Variants in DOCK8 observed in about 807,000 individuals in gnomAD.
DOCK8 encodes dedicator of cytokinesis protein 8.
A neutral mutation model predicts 245.6 loss-of-function variants in DOCK8; 141 were observed. The ratio of observed to expected loss-of-function variants is 0.57; its 90% CI spans 0.50 to 0.66. DOCK8 has a LOEUF of 0.66. Ranked by LOEUF, DOCK8 falls within the 30% of genes least tolerant of loss-of-function variation. The probability of loss-of-function intolerance (pLI) is 0.00; values close to 1 mark genes in which losing one functional copy is unlikely to be tolerated. For missense variants in DOCK8, 2,965 were observed against 2,603.4 expected (o/e 1.14, Z -3.02); for synonymous variants, 1,168 against 970.2 (o/e 1.20, Z -3.79).
chr9:310,283 C>T (rs1045781633), intron 5 of DOCK8, among the ~76,000 whole-genome samples: 70 of 151,568 alleles, frequency 4.6e-4, no homozygotes, highest in Non-Finnish European at 8.2e-4. Context: ...AAAAAAAATC[C>T]AATCTTTCCT....
chr9:262,597 T>C (rs577226258), intron 1 of DOCK8, among the ~76,000 whole-genome samples: 1 of 151,642 alleles, frequency 6.6e-6, no homozygotes, highest in Admixed American at 6.6e-5. Context: ...TATTGTATGA[T>C]TCTATTTATG....
intron 23 of DOCK8, among the ~76,000 whole-genome samples, chr9:389,444 A>G (rs1225061868): frequency 6.6e-6 from 1 of 152,236 alleles, no homozygotes; most frequent in South Asian, 2.1e-4. Flanking sequence ...TGATACTACT[A>G]TGCCTTTCAG....
intron 1 of DOCK8, among the ~76,000 whole-genome samples, chr9:262,923 T>C (rs951017761): frequency 1.1e-4 from 16 of 152,060 alleles, no homozygotes; most frequent in African/African-American, 1.4e-4. Flanking sequence ...ATAACTGATA[T>C]AGGCAGGGCA....
Position 418,096 on chromosome 9 carries a change from T to A in DOCK8, c.3729T>A (p.Ser1243Arg). 2 of 1,614,230 alleles carry A rather than the reference T, an allele frequency of 1.2e-6. No individual in the cohort carries two copies. Among genetic ancestry groups the A allele is most frequent in the Non-Finnish European group, 1.7e-6 (2 of 1,180,028 alleles). ...TVADTRRYRT[S>R]GSDEEQEGAG... ...CAGATACTCGCAGATACCGCACCAG[T>A]GGCTCGGATGAAGAACAAGAAGGAG... Residue 1243 changes from serine to arginine, a missense_variant, in exon 30 of 48, where the codon AGT becomes AGA. This residue lies in a region of DOCK8 where 2,825 missense variants were observed against 2,453.5 expected (regional missense o/e 1.15). Transcript: ENST00000432829.
Position 442,143 on chromosome 9 carries a change from A to G in DOCK8, c.5490+134A>G, listed in dbSNP as rs978665078. 1.8e-5 allele frequency: 23 copies of G among 1,314,010 alleles called. No individual in the cohort carries two copies. In the Admixed American group the frequency reaches 3.8e-4, roughly 22 times the overall value. The allele number at this position is 1,314,010 out of a possible 1,614,324, so 81.4% of individuals were successfully genotyped here. ...CTCTACATAAAGTTTTCCCCTTTGCATTTATAAAAGGCAAAGTAGAAAGGT... is the reference window on the plus strand; with the variant it reads ...CTCTACATAAAGTTTTCCCCTTTGCGTTTATAAAAGGCAAAGTAGAAAGGT... On this transcript the variant is annotated intron_variant, in intron 42 of 47. Coordinates refer to ENST00000432829, the MANE Select transcript of DOCK8 (RefSeq NM_203447.4).
At chr9:394,777 C>T (rs751140427) in intron 24 of DOCK8, among the ~76,000 whole-genome samples, 4 of 152,194 alleles carry the variant, frequency 2.6e-5, no homozygotes, top group Admixed American at 6.5e-5. Flanking sequence ...GATTTCTGTG[C>T]CTCGCCCCAC....
At position 356,413 on chromosome 9, in the gene DOCK8, C is replaced by T. The variant is rs150012913; in HGVS notation, c.1680-11605C>T. 5.4e-3 allele frequency among the ~76,000 whole-genome samples: 821 copies of T among 152,024 alleles called. 13 individuals are homozygous for T. Among genetic ancestry groups the T allele is most frequent in the African/African-American group, 0.018 (765 of 41,454 alleles). On this transcript the variant is annotated intron_variant, in intron 14 of 47. Transcript: ENST00000432829. ...GGCGTGGTAGCAGGCGCCTGTAATC[C>T]CAGCTACTCCGGAGGCTGAGGCAGG...
intron 11 of DOCK8, among the ~76,000 whole-genome samples, chr9:335,697 T>TC (rs1204935599): frequency 5.9e-5 from 9 of 152,116 alleles, no homozygotes; most frequent in Non-Finnish European, 1.2e-4. Flanking sequence ...TGCTGAGGCC[T>TC]CAATCATCTC....
At chr9:401,547 C>G (rs909720545) in intron 26 of DOCK8, among the ~76,000 whole-genome samples, 2 of 152,076 alleles carry the variant, frequency 1.3e-5, no homozygotes, top group Non-Finnish European at 2.9e-5. Context: ...AGCTGTCCAT[C>G]GAGATTTTAT....
chr9:249,015 G>T (rs2047581909), intron 1 of DOCK8, among the ~76,000 whole-genome samples: 1 of 152,138 alleles, frequency 6.6e-6, no homozygotes. Context: ...GTAGTGGGAG[G>T]TCCCACTCTT....
chr9:381,560 A>AGT (rs1284517727), intron 21 of DOCK8, among the ~76,000 whole-genome samples: 6 of 152,230 alleles, frequency 3.9e-5, no homozygotes, highest in Non-Finnish European at 8.8e-5. Context: ...AATTAGTGTC[A>AGT]GTGAGTTCAC....
chr9:354,713 G>T (rs1887529), intron 14 of DOCK8, among the ~76,000 whole-genome samples: 1 of 152,046 alleles, frequency 6.6e-6, no homozygotes, highest in African/African-American at 2.4e-5. Flanking sequence ...GGCTGAGGGC[G>T]TCGGTTCCTC....
chr9:238,979 C>T (rs545161221), intron 1 of DOCK8, among the ~76,000 whole-genome samples: 57 of 152,106 alleles, frequency 3.7e-4, no homozygotes, highest in African/African-American at 1.2e-3. Context: ...TTAGACACAC[C>T]GATTCACCTA....
chr9:235,910 C>T (rs565375203), intron 1 of DOCK8, among the ~76,000 whole-genome samples: 2 of 152,232 alleles, frequency 1.3e-5, no homozygotes, highest in Non-Finnish European at 2.9e-5. Context: ...ACCCACTGTC[C>T]TGTACCTACT....
At position 377,129 on chromosome 9, in the gene DOCK8, G is replaced by A. The variant is rs952082794; in HGVS notation, c.2358G>A (p.Glu786=). ...SIICLNSSRL[E]PLVLFLHLVL... is the part of the protein sequence containing the mutation. ...TCTGCCTGAACTCCTCCCGCCTGGA[G>A]CCGCTCGTGCTCTTCCTGCACCTGG... Residue 786 remains glutamate, a synonymous_variant, in exon 20 of 48, where the codon GAG becomes GAA. Transcript: ENST00000432829. 6.2e-7 allele frequency: 1 copy of A among 1,609,310 alleles called. No individual in the cohort carries two copies. The highest frequency in any genetic ancestry group is 8.5e-7 in the Non-Finnish European group (1 of 1,179,910).
At chr9:354,382 T>A (rs955374350) in intron 14 of DOCK8, among the ~76,000 whole-genome samples, 1 of 152,212 alleles carries the variant, frequency 6.6e-6, no homozygotes, top group African/African-American at 2.4e-5. Context: ...CAGAAATTTT[T>A]GAAGTAAAAC....
chr9:283,263 A>T (rs72701249), intron 2 of DOCK8, among the ~76,000 whole-genome samples: 1,684 of 152,318 alleles, frequency 0.011, 28 homozygotes, highest in African/African-American at 0.035. Flanking sequence ...GAGCATCCCT[A>T]GTCCGAAAAT....
intron 4 of DOCK8, among the ~76,000 whole-genome samples, chr9:304,277 T>G (rs1404809510): frequency 6.6e-6 from 1 of 152,194 alleles, no homozygotes; most frequent in Non-Finnish European, 1.5e-5. Flanking sequence ...AGGGTCATAG[T>G]TTAGCTTCAG....
At chr9:450,705 C>T (rs998795744) in intron 45 of DOCK8, among the ~76,000 whole-genome samples, 25 of 151,822 alleles carry the variant, frequency 1.6e-4, no homozygotes, top group African/African-American at 6.1e-4. Flanking sequence ...AGAGAAATGC[C>T]TATTACATTC....
Sources: gnomAD v4.1 joint callset for allele counts (sites outside exome capture counted in the v4.1 genomes callset) on GRCh38, gnomAD v4.1.1 for gene constraint, gnomAD v4.1.1 regional missense constraint, MANE v1.5 for transcripts, NCBI Gene and HGNC (gene_info 2026-07-23, HGNC 2026-07-21) for gene names.